The following MAPK10 variants were observed in gnomAD, a reference collection of about 807,000 sequenced individuals.
MAPK10 encodes mitogen-activated protein kinase 10, also known as JNK3 alpha protein kinase.
A neutral mutation model predicts 59.3 loss-of-function variants in MAPK10; 25 were observed. The observed-to-expected ratio is 0.42, with a 90% CI of 0.31 to 0.59. The LOEUF (loss-of-function observed/expected upper bound fraction) is 0.59. Among genes scored for constraint, MAPK10 ranks in the 20% least tolerant of loss-of-function variants. The probability of loss-of-function intolerance (pLI) is 0.15; values close to 1 mark genes in which losing one functional copy is unlikely to be tolerated. For synonymous variants in MAPK10, 190 were observed against 200.5 expected (o/e 0.95, Z 0.44); for missense variants, 351 against 568.9 (o/e 0.62, Z 3.90).
intron 1 of MAPK10, among the ~76,000 whole-genome samples, chr4:86,520,715 T>C (rs921789878): frequency 6.6e-6 from 1 of 152,190 alleles, no homozygotes; most frequent in Non-Finnish European, 1.5e-5. Context: ...CAGTTACTTT[T>C]TGGCTCCTTC....
At chr4:86,169,987 A>G (rs1173759106) in intron 3 of MAPK10, among the ~76,000 whole-genome samples, 1 of 152,196 alleles carries the variant, frequency 6.6e-6, no homozygotes, top group Non-Finnish European at 1.5e-5. Flanking sequence ...AAGGAGAAAT[A>G]AAATACTTTA....
intron 2 of MAPK10, among the ~76,000 whole-genome samples, chr4:86,260,392 C>T (rs1278338295): frequency 2.0e-5 from 3 of 152,070 alleles, no homozygotes; most frequent in Non-Finnish European, 4.4e-5. Context: ...AAACTTCCAA[C>T]AGTGGTTTCT....
At chr4:86,515,890 T>G (rs1000032795) in intron 1 of MAPK10, among the ~76,000 whole-genome samples, 3 of 151,938 alleles carry the variant, frequency 2.0e-5, no homozygotes, top group African/African-American at 4.8e-5. Context: ...TTGTTGTTTT[T>G]TTTTTGTTTT....
upstream of MAPK10, among the ~76,000 whole-genome samples, chr4:86,453,921 G>A (rs1433275707): frequency 6.6e-6 from 1 of 152,174 alleles, no homozygotes; most frequent in East Asian, 1.9e-4. Flanking sequence ...GAGACCCACA[G>A]ATGGTTCACA....
intron 1 of MAPK10, among the ~76,000 whole-genome samples, chr4:86,459,611 G>A (rs910729239): frequency 2.0e-5 from 3 of 149,632 alleles, no homozygotes; most frequent in Admixed American, 6.7e-5. Flanking sequence ...AATGGCATTC[G>A]CAGTGACCTG....
Position 86,304,423 on chromosome 4 carries a change from C to T in MAPK10, c.-7+50107G>A, listed in dbSNP as rs182396599. Among the ~76,000 whole-genome samples the T allele has an allele frequency of 9.5e-3, 1,377 of 144,792 alleles. 17 individuals are homozygous for T. Among genetic ancestry groups the T allele is most frequent in the African/African-American group, 0.026 (1,015 of 38,784 alleles). The allele number at this position is 144,792 out of a possible 152,430, so 95.0% of individuals were successfully genotyped here. On this transcript the variant is annotated intron_variant, in intron 2 of 13. Transcript: ENST00000641462. ...TTTTTTTTTTTTTGAGACGGAGTCC[C>T]GCTGTTTAGCCCAGGCCGGATTGCA...
intron 1 of MAPK10, among the ~76,000 whole-genome samples, chr4:86,516,884 C>T (rs1756708704): frequency 6.6e-6 from 1 of 152,164 alleles, no homozygotes; most frequent in South Asian, 2.1e-4. Context: ...TTTCTCTTTA[C>T]CAGTTAGGAT....
At chr4:86,098,276 C>A (rs148069643) in intron 9 of MAPK10, 100 of 349,306 alleles carry the variant, frequency 2.9e-4, no homozygotes, top group African/African-American at 2.0e-3. Context: ...AATAGCATTT[C>A]TATTTTTAGT....
chr4:86,197,819 C>T lies in MAPK10; in HGVS notation c.-6-3412G>A, dbSNP rs558078882. Among the ~76,000 whole-genome samples, 90 of 152,152 alleles carry T rather than the reference C, an allele frequency of 5.9e-4. 1 individual carries two copies. The highest frequency in any genetic ancestry group is 5.4e-3 in the Admixed American group (83 of 15,256). The stretch of plus-strand genomic sequence containing the variant: ...GAAGAACAAGTGGCTGTTTGCCTAG[C>T]GCCGGCAAGGGAAGTATTCTGCCAG... On this transcript the variant is annotated intron_variant, in intron 2 of 13. Transcript: ENST00000641462.
chr4:86,098,710 C>G, intron 8 of MAPK10, 115 bp from the exon 9 acceptor site: 4 of 879,052 alleles, frequency 4.6e-6, no homozygotes, highest in Non-Finnish European at 7.3e-6. Context: ...ACAATTTTCA[C>G]CTCCCACCAA....
In MAPK10 at chr4:86,178,392, G is replaced by GT. The variant is rs562885890; in HGVS notation, c.66+15943dup. Among the ~76,000 whole-genome samples, 204 of 151,976 alleles carry GT rather than the reference G, an allele frequency of 1.3e-3. 2 individuals are homozygous for GT. Among genetic ancestry groups the GT allele is most frequent in the African/African-American group, 3.7e-3 (152 of 41,476 alleles). On this transcript the variant is annotated intron_variant, in intron 3 of 13. Coordinates refer to ENST00000641462, the MANE Select transcript of MAPK10 (RefSeq NM_138982.4). Reference sequence around the variant, plus strand: ...GAGGTCTTGAACTCTAAGGAGTAGGGTTTTTTTAATGTTTATAAGCCTAAC... The same window carrying GT: ...GAGGTCTTGAACTCTAAGGAGTAGGGTTTTTTTTAATGTTTATAAGCCTAAC...
intron 2 of MAPK10, among the ~76,000 whole-genome samples, chr4:86,196,122 T>C (rs2081252976): frequency 6.6e-6 from 1 of 152,218 alleles, no homozygotes; most frequent in South Asian, 2.1e-4. Flanking sequence ...TTTCTGGTTC[T>C]AGATCCTTGA....
chr4:86,333,458 C>G (rs764026346), intron 2 of MAPK10, among the ~76,000 whole-genome samples: 23 of 152,178 alleles, frequency 1.5e-4, no homozygotes, highest in Admixed American at 3.3e-4. Context: ...CCAGGAGGCC[C>G]TCAGCCTACT....
At chr4:86,262,786 G>A (rs560271283) in intron 2 of MAPK10, among the ~76,000 whole-genome samples, 4 of 152,248 alleles carry the variant, frequency 2.6e-5, no homozygotes, top group Non-Finnish European at 5.9e-5. Flanking sequence ...GCTTGATTCC[G>A]AAGCAAGTTT....
At chr4:86,532,129 C>T (rs1274289878) in intron 1 of MAPK10, among the ~76,000 whole-genome samples, 2 of 149,308 alleles carry the variant, frequency 1.3e-5, no homozygotes, top group East Asian at 3.9e-4. Context: ...AGCTCCAGGG[C>T]AAAGAAGCTC....
intron 1 of MAPK10, among the ~76,000 whole-genome samples, chr4:86,504,215 C>T (rs890896069): frequency 2.6e-5 from 4 of 151,922 alleles, no homozygotes; most frequent in African/African-American, 4.8e-5. Flanking sequence ...AACTATTTTC[C>T]CAGAGCCTAA....
chr4:86,462,159 C>A (rs1002920939), intron 1 of MAPK10, among the ~76,000 whole-genome samples: 1 of 152,182 alleles, frequency 6.6e-6, no homozygotes, highest in Non-Finnish European at 1.5e-5. Context: ...CCTAGGGAAC[C>A]CCCACAAAAG....
intron 1 of MAPK10, among the ~76,000 whole-genome samples, chr4:86,489,693 A>T (rs1403380579): frequency 6.6e-6 from 1 of 152,108 alleles, no homozygotes; most frequent in Non-Finnish European, 1.5e-5. Flanking sequence ...ACCCATCATT[A>T]TATCCCCTAG....
chr4:86,112,062 C>T (rs1459126876), intron 4 of MAPK10, among the ~76,000 whole-genome samples: 1 of 151,188 alleles, frequency 6.6e-6, no homozygotes, highest in Non-Finnish European at 1.5e-5. Context: ...GGGTGATAAC[C>T]CCTTTATCAT....
Sources: allele counts gnomAD v4.1 joint callset (sites outside exome capture counted in the v4.1 genomes callset), GRCh38; gene constraint gnomAD v4.1.1; transcripts MANE v1.5; gene names NCBI Gene and HGNC (gene_info 2026-07-23, HGNC 2026-07-21).